CFAP52: variants seen among roughly 807,000 people sequenced by gnomAD.
The protein encoded by CFAP52 is cilia- and flagella-associated protein 52.
In CFAP52, 57 loss-of-function variants were observed where a neutral mutation model predicts 70.5. The observed-to-expected ratio is 0.81, with a 90% confidence interval of 0.65 to 1.01. The LOEUF (loss-of-function observed/expected upper bound fraction) is 1.01. CFAP52 is among the 50% of genes least tolerant of loss of function. The pLI is 0.00. For synonymous variants in CFAP52, 267 were observed against 292.5 expected (o/e 0.91, Z 0.89); for missense variants, 785 against 788.5 (o/e 1.00, Z 0.05).
chr17:9,614,269 C>A (rs1278295852), intron 8 of CFAP52, among the ~76,000 whole-genome samples: 1 of 151,840 alleles, frequency 6.6e-6, no homozygotes, highest in East Asian at 1.9e-4. Context: ...AATTCTCCCA[C>A]CTCAGCCTCC....
chr17:9,586,684 G>A lies in CFAP52; in HGVS notation c.271-14G>A, dbSNP rs1908500446. The A allele has an allele frequency of 6.2e-7, 1 of 1,604,162 alleles. No homozygotes were observed. Among genetic ancestry groups the A allele is most frequent in the Non-Finnish European group, 8.5e-7 (1 of 1,176,492 alleles). On this transcript the variant is annotated splice_polypyrimidine_tract_variant and intron_variant, in intron 2 of 13. Transcript: ENST00000352665. ...ATGCCTCCCTATGATCTGACGGTGT[G>A]TTCTTGCCCCCAGGCAGACATCATT...
chr17:9,632,840 G>A, intron 9 of CFAP52, 48 bp from the exon 10 acceptor site: 1 of 1,592,668 alleles, frequency 6.3e-7, no homozygotes, highest in African/African-American at 1.3e-5. Context: ...TGTGGAGAGA[G>A]GGTGCATATA....
intron 7 of CFAP52, among the ~76,000 whole-genome samples, chr17:9,610,093 G>A (rs772742570): frequency 6.6e-6 from 1 of 152,232 alleles, no homozygotes; most frequent in Non-Finnish European, 1.5e-5. Context: ...CAGGTGAGGT[G>A]GGGGAGAGGA....
intron 12 of CFAP52, chr17:9,639,040 G>T (rs73975767): frequency 3.7e-6 from 1 of 267,602 alleles, no homozygotes. Context: ...GAGTAGAATT[G>T]CTGTGCCCAA....
Position 9,636,960 on chromosome 17 carries a change from G to A in CFAP52, c.1472+1404G>A, listed in dbSNP as rs561001304. On this transcript the variant is annotated intron_variant, in intron 11 of 13. Transcript: ENST00000352665. ...CTCAGGAGGCTGAGGCAGGAGAATCGCTTGAACCCGGGAGGCGGAGGTTGC... is the reference window on the plus strand; with the variant it reads ...CTCAGGAGGCTGAGGCAGGAGAATCACTTGAACCCGGGAGGCGGAGGTTGC... Among the ~76,000 whole-genome samples, 43 of 152,196 alleles carry A rather than the reference G, an allele frequency of 2.8e-4. No homozygotes were observed. In the South Asian group the frequency reaches 5.0e-3, roughly 18 times the overall value.
chr17:9,598,222 T>C lies in CFAP52; in HGVS notation c.537-12T>C. ...ATTTGATTGTGGTTTTTTGTTTTTT[T>C]TTTTTACATAGTGGGACAATTCGAG... is the stretch of plus-strand genomic sequence containing the variant. On this transcript the variant is annotated splice_polypyrimidine_tract_variant and intron_variant, in intron 4 of 13. Transcript: ENST00000352665. 1.3e-6 allele frequency: 2 copies of C among 1,588,806 alleles called. No individual in the cohort carries two copies. The highest frequency in any genetic ancestry group is 1.7e-6 in the Non-Finnish European group (2 of 1,172,910).
At chr17:9,599,689 G>A (rs1226384716) in intron 5 of CFAP52, among the ~76,000 whole-genome samples, 1 of 152,002 alleles carries the variant, frequency 6.6e-6, no homozygotes, top group African/African-American at 2.4e-5. Context: ...TCCCATTCCT[G>A]AACAGGTGTT....
chr17:9,645,498 G>A, downstream of CFAP52: 3 of 892,906 alleles, frequency 3.4e-6, no homozygotes, highest in Non-Finnish European at 4.2e-6. The surrounding 1 kb of genome is among the most constrained non-coding windows in gnomAD (Gnocchi z 6.8). Context: ...CCTTGGCTCC[G>A]CCTCCGCCCC....
chr17:9,603,445 G>A (rs1288439117), intron 6 of CFAP52, among the ~76,000 whole-genome samples: 3 of 152,136 alleles, frequency 2.0e-5, no homozygotes, highest in Admixed American at 6.5e-5. Flanking sequence ...TCCTGACCCC[G>A]TGATCCACCC....
chr17:9,585,101 C>G (rs1387071685), intron 1 of CFAP52, among the ~76,000 whole-genome samples: 1 of 152,174 alleles, frequency 6.6e-6, no homozygotes, highest in Admixed American at 6.5e-5. Flanking sequence ...CTCACCCAAG[C>G]AGGCTGCTCA....
chr17:9,626,673 A>C (rs1160250972), intron 8 of CFAP52, among the ~76,000 whole-genome samples: 1 of 152,214 alleles, frequency 6.6e-6, no homozygotes, highest in African/African-American at 2.4e-5. Context: ...TCTAATTTTA[A>C]ATAAATATTA....
intron 4 of CFAP52, among the ~76,000 whole-genome samples, chr17:9,596,059 G>GTATGTGTGTA (rs1555541608): frequency 2.3e-5 from 2 of 85,204 alleles, no homozygotes; most frequent in African/African-American, 8.9e-5. Flanking sequence ...ATATGTGTGT[G>GTATGTGTGTA]TATATATATA....
chr17:9,586,064 A>G (rs976258905), intron 2 of CFAP52, 92 bp downstream of exon 2: 3 of 1,291,352 alleles, frequency 2.3e-6, no homozygotes, highest in Non-Finnish European at 3.3e-6. Context: ...TCTATGTGGC[A>G]ATGTGCTTTA....
In CFAP52 at chr17:9,612,478, T is replaced by C. The variant is rs1470455246; in HGVS notation, c.1024T>C (p.Phe342Leu). 1.2e-6 allele frequency: 2 copies of C among 1,613,244 alleles called. No individual in the cohort carries two copies. Among genetic ancestry groups the C allele is most frequent in the African/African-American group, 1.3e-5 (1 of 75,058 alleles). ...FDAVEDIVFP[F>L]GTAELFATCA... is the part of the protein sequence containing the mutation. ...TGCTGTCGAGGATATTGTCTTTCCATTGTGAGTAGAAGAGAAAAACAAGAA... is the reference window on the plus strand; with the variant it reads ...TGCTGTCGAGGATATTGTCTTTCCACTGTGAGTAGAAGAGAAAAACAAGAA... The change falls in exon 8 of 14, where the codon TTT becomes CTT. Residue 342 changes from phenylalanine to leucine, a missense_variant and splice_region_variant. Coordinates refer to ENST00000352665, the MANE Select transcript of CFAP52 (RefSeq NM_145054.5).
chr17:9,608,376 C>A (rs927458720), intron 7 of CFAP52, among the ~76,000 whole-genome samples, 157 bp downstream of exon 7: 1 of 152,192 alleles, frequency 6.6e-6, no homozygotes, highest in South Asian at 2.1e-4. Context: ...TAGATGGTGG[C>A]TTCTTTGTCA....
chr17:9,586,031 C>G, intron 2 of CFAP52, 59 bp downstream of exon 2: 2 of 1,547,412 alleles, frequency 1.3e-6, no homozygotes, highest in Admixed American at 1.7e-5. Context: ...CCTAGAAGAA[C>G]TGCCCCACTT....
At chr17:9,587,773 GCC>G (rs1035833867) in intron 3 of CFAP52, among the ~76,000 whole-genome samples, 7 of 152,092 alleles carry the variant, frequency 4.6e-5, no homozygotes, top group Non-Finnish European at 1.0e-4. Context: ...TTTTTCAGAT[GCC>G]AAGTTTGCAA....
chr17:9,614,275 C>T (rs1469448694), intron 8 of CFAP52, among the ~76,000 whole-genome samples: 1 of 151,910 alleles, frequency 6.6e-6, no homozygotes, highest in Non-Finnish European at 1.5e-5. Flanking sequence ...CCCACCTCAG[C>T]CTCCTGGGTA....
chr17:9,645,527 C>T, downstream of CFAP52: 4 of 1,056,150 alleles, frequency 3.8e-6, 1 homozygote, highest in Middle Eastern at 7.9e-4. This position sits in a 1 kb window ranked among gnomAD's most constrained non-coding sequence, Gnocchi z 6.8. Flanking sequence ...ACACCTGGCC[C>T]GCAGGTAGCC....
Sources: allele counts gnomAD v4.1 joint callset (sites outside exome capture counted in the v4.1 genomes callset), GRCh38; gene constraint gnomAD v4.1.1; non-coding constraint Gnocchi (gnomAD v3.1); transcripts MANE v1.5; gene names NCBI Gene and HGNC (gene_info 2026-07-23, HGNC 2026-07-21).